SMOC1: variants seen among roughly 807,000 people sequenced by gnomAD.
SMOC1 encodes the protein SPARC-related modular calcium-binding protein 1.
A neutral mutation model predicts 56.3 loss-of-function variants in SMOC1; 22 were observed. The observed-to-expected ratio is 0.39, with a 90% CI of 0.28 to 0.56. The LOEUF (loss-of-function observed/expected upper bound fraction) is 0.56. SMOC1 is among the 20% of genes least tolerant of loss of function. The pLI is 0.61. For synonymous variants in SMOC1, 193 were observed against 215.0 expected, an observed-to-expected ratio of 0.90 and a Z score of 0.89; for missense variants, 509 against 565.4, an observed-to-expected ratio of 0.90 and a Z score of 1.01.
chr14:69,956,604 G>A (rs533331040), intron 3 of SMOC1, among the ~76,000 whole-genome samples: 31 of 152,178 alleles, frequency 2.0e-4, no homozygotes, highest in African/African-American at 4.3e-4. Flanking sequence ...TTTATGGGGG[G>A]AGTGATGGCA....
chr14:69,912,489 C>T (rs1482672256), intron 1 of SMOC1, among the ~76,000 whole-genome samples: 1 of 152,188 alleles, frequency 6.6e-6, no homozygotes, highest in Non-Finnish European at 1.5e-5. Flanking sequence ...TGGCCTCATG[C>T]AGTCCTCCCG....
At chr14:70,024,109 G>C (rs1566715419) in intron 11 of SMOC1, among the ~76,000 whole-genome samples, 1 of 152,096 alleles carries the variant, frequency 6.6e-6, no homozygotes, top group Non-Finnish European at 1.5e-5. Flanking sequence ...GGTTTTATGG[G>C]CCAGCCCTGG....
chr14:69,972,928 G>C (rs140778138), intron 3 of SMOC1, among the ~76,000 whole-genome samples: 1 of 152,158 alleles, frequency 6.6e-6, no homozygotes, highest in Non-Finnish European at 1.5e-5. Context: ...ACACAGCCTC[G>C]GGCGATGGAC....
At chr14:70,016,726 T>C (rs963093896) in intron 10 of SMOC1, among the ~76,000 whole-genome samples, 5 of 152,184 alleles carry the variant, frequency 3.3e-5, no homozygotes, top group African/African-American at 1.2e-4. Flanking sequence ...CTGGTTCTCC[T>C]CAGTTCTGGT....
At chr14:70,013,580 G>C in intron 10 of SMOC1, 89 bp downstream of exon 10, 4 of 1,077,502 alleles carry the variant, frequency 3.7e-6, no homozygotes, top group Non-Finnish European at 5.7e-6. Context: ...GAGTGGGCAG[G>C]GTTTGAGGAG....
intron 1 of SMOC1, among the ~76,000 whole-genome samples, chr14:69,890,336 A>G (rs1285528173): frequency 1.3e-5 from 2 of 152,250 alleles, no homozygotes; most frequent in Non-Finnish European, 2.9e-5. Flanking sequence ...AAAAAGTAAT[A>G]TGCAAAAAAG....
chr14:69,910,663 T>C (rs1884534209), intron 1 of SMOC1, among the ~76,000 whole-genome samples: 1 of 151,930 alleles, frequency 6.6e-6, no homozygotes, highest in South Asian at 2.1e-4. Flanking sequence ...CAATTTTTAA[T>C]AAACTGGGCT....
intron 3 of SMOC1, among the ~76,000 whole-genome samples, chr14:69,956,962 C>T (rs1422846018): frequency 1.4e-5 from 2 of 145,718 alleles, no homozygotes; most frequent in East Asian, 2.0e-4. Context: ...TTTCAAACCA[C>T]TTTTGTATGG....
chr14:69,993,087 T>C (rs1183601997), intron 6 of SMOC1, among the ~76,000 whole-genome samples: 1 of 152,126 alleles, frequency 6.6e-6, no homozygotes, highest in Non-Finnish European at 1.5e-5. Flanking sequence ...GGCAGGGTGC[T>C]GGCATGGACA....
At chr14:69,938,147 A>G (rs1882391830) in intron 1 of SMOC1, among the ~76,000 whole-genome samples, 1 of 152,160 alleles carries the variant, frequency 6.6e-6, no homozygotes, top group Admixed American at 6.5e-5. Flanking sequence ...CAGGCACTTA[A>G]ATGACATTTT....
At chr14:69,993,188 G>T (rs61977399) in intron 6 of SMOC1, among the ~76,000 whole-genome samples, 1 of 152,094 alleles carries the variant, frequency 6.6e-6, no homozygotes, top group African/African-American at 2.4e-5. Context: ...TTGTAGGGAC[G>T]TTGAGAGTTG....
intron 5 of SMOC1, among the ~76,000 whole-genome samples, chr14:69,985,701 C>T (rs1884340255): frequency 6.6e-6 from 1 of 152,178 alleles, no homozygotes; most frequent in Non-Finnish European, 1.5e-5. Context: ...TGACTTTGTC[C>T]AGCATACCCA....
At chr14:69,890,904 G>A (rs1185377538) in intron 1 of SMOC1, among the ~76,000 whole-genome samples, 1 of 152,180 alleles carries the variant, frequency 6.6e-6, no homozygotes, top group African/African-American at 2.4e-5. Context: ...TATATGGAGA[G>A]ATAAGTTCGA....
chr14:69,935,433 C>T (rs971468480), intron 1 of SMOC1, among the ~76,000 whole-genome samples: 3 of 152,160 alleles, frequency 2.0e-5, no homozygotes, highest in African/African-American at 7.2e-5. Flanking sequence ...TTTTGGAGGC[C>T]GATCAGAAGG....
At chr14:70,025,625 G>A (rs763823985) in intron 11 of SMOC1, among the ~76,000 whole-genome samples, 2 of 152,184 alleles carry the variant, frequency 1.3e-5, no homozygotes, top group Non-Finnish European at 2.9e-5. Context: ...GACCAGAAGT[G>A]TTTGGAACTT....
chr14:69,987,605 C>T (rs1444289880), intron 5 of SMOC1, among the ~76,000 whole-genome samples: 2 of 152,206 alleles, frequency 1.3e-5, no homozygotes, highest in Non-Finnish European at 2.9e-5. Context: ...GTCCCTTAAG[C>T]ACACCAATGT....
At chr14:69,945,103 T>A (rs1238214392) in intron 1 of SMOC1, among the ~76,000 whole-genome samples, 1 of 152,218 alleles carries the variant, frequency 6.6e-6, no homozygotes, top group Non-Finnish European at 1.5e-5. Context: ...ATATTTTAGG[T>A]AAGGTTTGAT....
intron 3 of SMOC1, among the ~76,000 whole-genome samples, chr14:69,971,427 G>A (rs1286783275): frequency 2.6e-5 from 4 of 152,206 alleles, no homozygotes; most frequent in African/African-American, 9.7e-5. Context: ...GCCATCTGTT[G>A]ACACTTCAGC....
In SMOC1 at chr14:69,963,585, C is replaced by T. The variant is rs556029706; in HGVS notation, c.378+10053C>T. On this transcript the variant is annotated intron_variant, in intron 3 of 11. Transcript: ENST00000361956. Reference sequence around the variant, plus strand: ...GTCCCTCCCGCCCCTCCCCCAATGGCGTATCCTCTGTGGGCATTAAGGTTC... The same window carrying T: ...GTCCCTCCCGCCCCTCCCCCAATGGTGTATCCTCTGTGGGCATTAAGGTTC... Among the ~76,000 whole-genome samples, 5 of 150,538 alleles carry T rather than the reference C, an allele frequency of 3.3e-5. No individual in the cohort carries two copies. The East Asian group carries it at 8.0e-4, about 24-fold the overall frequency.
Sources: allele counts gnomAD v4.1 joint callset (sites outside exome capture counted in the v4.1 genomes callset), GRCh38; gene constraint gnomAD v4.1.1; transcripts MANE v1.5; gene names NCBI Gene and HGNC (gene_info 2026-07-23, HGNC 2026-07-21).